The following RPH3A variants were observed in gnomAD, a reference collection of about 807,000 sequenced individuals.
RPH3A encodes rabphilin 3A.
In RPH3A, 48 loss-of-function variants were observed where a neutral mutation model predicts 102.2. The observed-to-expected ratio is 0.47, with a 90% CI of 0.37 to 0.60. The LOEUF (loss-of-function observed/expected upper bound fraction) is 0.60. Ranked by LOEUF, RPH3A falls within the 20% of genes least tolerant of loss-of-function variation. The pLI is 0.00. For missense variants in RPH3A, 781 were observed against 910.1 expected (o/e 0.86, Z 1.83); for synonymous variants, 310 against 324.3 (o/e 0.96, Z 0.47).
In RPH3A at chr12:112,890,840, C is replaced by T. The variant is rs756775190; in HGVS notation, c.1621-9C>T. ...TCCAAGGCCCACACTGCCTTTTCCCCCAATGCAGCAGGTGGAGCGTGTTGG... is the reference window on the plus strand; with the variant it reads ...TCCAAGGCCCACACTGCCTTTTCCCTCAATGCAGCAGGTGGAGCGTGTTGG... On this transcript the variant is annotated splice_polypyrimidine_tract_variant and intron_variant, in intron 18 of 21. Transcript: ENST00000389385. The T allele has an allele frequency of 5.0e-6, 8 of 1,612,518 alleles. No individual in the cohort carries two copies. The highest frequency in any genetic ancestry group is 6.8e-6 in the Non-Finnish European group (8 of 1,179,190).
intron 1 of RPH3A, among the ~76,000 whole-genome samples, chr12:112,652,822 C>G (rs922121047): frequency 1.3e-5 from 2 of 152,204 alleles, no homozygotes; most frequent in Non-Finnish European, 2.9e-5. Context: ...AAGAGCAAAA[C>G]AGTCATGCAT....
intron 16 of RPH3A, among the ~76,000 whole-genome samples, chr12:112,884,793 G>A (rs1434896708): frequency 6.6e-6 from 1 of 152,172 alleles, no homozygotes; most frequent in Non-Finnish European, 1.5e-5. Flanking sequence ...ACAGATTGAT[G>A]AATTTTCACA....
chr12:112,636,823 TCCCATAAAGACC>T (rs2039852076), intron 1 of RPH3A, among the ~76,000 whole-genome samples: 1 of 152,018 alleles, frequency 6.6e-6, no homozygotes, highest in Admixed American at 6.6e-5. Flanking sequence ...CTAGACTTTC[TCCCATAAAGACC>T]CCCAAAATAC....
Position 112,828,343 on chromosome 12 carries a change from A to T in RPH3A, c.25A>T (p.Ser9Cys), listed in dbSNP as rs1593052435. 6.2e-7 allele frequency: 1 copy of T among 1,610,906 alleles called. No individual in the cohort carries two copies. Among genetic ancestry groups the T allele is most frequent in the Non-Finnish European group, 8.5e-7 (1 of 1,178,606 alleles). MTDTVFSN[S>C]SNRWMYPSDR... ...TATGACTGACACCGTGTTCAGCAAC[A>T]GTTCTAACCGTTGGATGTACCCCAG... is the stretch of plus-strand genomic sequence containing the variant. Residue 9 changes from serine to cysteine, a missense_variant, in exon 3 of 22, where the codon AGT (serine) becomes TGT (cysteine). Ser to Cys is a moderately radical substitution (Grantham distance 112, BLOSUM62 -1). Around this residue, in one of 2 missense-constraint regions of RPH3A, gnomAD observed 730 missense variants for 810.0 expected, o/e 0.90. Transcript: ENST00000389385.
chr12:112,798,408 T>G (rs1399909367), intron 2 of RPH3A, among the ~76,000 whole-genome samples: 2 of 152,230 alleles, frequency 1.3e-5, no homozygotes, highest in Admixed American at 1.3e-4. Flanking sequence ...CCTCTCTTTC[T>G]TTTCCTTTTC....
chr12:112,788,911 C>G (rs772776688), upstream of RPH3A, among the ~76,000 whole-genome samples: 8 of 152,178 alleles, frequency 5.3e-5, no homozygotes, highest in Non-Finnish European at 1.0e-4. Flanking sequence ...GTAATCCCAG[C>G]ACTTTGGGAG....
At chr12:112,664,424 G>T (rs933836942) in intron 1 of RPH3A, among the ~76,000 whole-genome samples, 6 of 152,202 alleles carry the variant, frequency 3.9e-5, no homozygotes, top group African/African-American at 1.4e-4. Context: ...ATGGCAGGGA[G>T]ACCAGTAAGG....
intron 1 of RPH3A, among the ~76,000 whole-genome samples, chr12:112,648,309 G>C (rs996385286): frequency 1.3e-5 from 2 of 151,878 alleles, no homozygotes; most frequent in Admixed American, 1.3e-4. Flanking sequence ...CCACTGAGTG[G>C]AATGTACTTA....
intron 1 of RPH3A, among the ~76,000 whole-genome samples, chr12:112,664,026 G>C (rs904452520): frequency 1.3e-5 from 2 of 152,132 alleles, no homozygotes; most frequent in Admixed American, 6.6e-5. Flanking sequence ...AAAGAAGTGT[G>C]GGGGGCATGT....
At chr12:112,610,837 C>T (rs1234989387) in intron 1 of RPH3A, among the ~76,000 whole-genome samples, 4 of 152,020 alleles carry the variant, frequency 2.6e-5, no homozygotes, top group Admixed American at 6.6e-5. Context: ...AGGGTTTCAC[C>T]GTGTTAGCCA....
chr12:112,603,664 A>T (rs1231124255), intron 1 of RPH3A, among the ~76,000 whole-genome samples: 1 of 152,222 alleles, frequency 6.6e-6, no homozygotes. Context: ...TTCTCAAGAT[A>T]TCGGGTTAAC....
chr12:112,691,719 C>T (rs956933823), intron 1 of RPH3A, among the ~76,000 whole-genome samples: 1 of 152,206 alleles, frequency 6.6e-6, no homozygotes, highest in Non-Finnish European at 1.5e-5. Context: ...TTGAGAATAT[C>T]TCATTAAATG....
chr12:112,790,222 A>G (rs539798475), upstream of RPH3A, among the ~76,000 whole-genome samples: 1 of 151,796 alleles, frequency 6.6e-6, no homozygotes, highest in South Asian at 2.1e-4. Flanking sequence ...ATGCCCAGCT[A>G]TTTTTTTGTA....
At chr12:112,656,252 C>G (rs1270828767) in intron 1 of RPH3A, among the ~76,000 whole-genome samples, 1 of 152,234 alleles carries the variant, frequency 6.6e-6, no homozygotes, top group Non-Finnish European at 1.5e-5. Flanking sequence ...TGTTTGCCAT[C>G]TCAACCACAG....
intron 7 of RPH3A, among the ~76,000 whole-genome samples, chr12:112,867,898 G>A (rs2042638690): frequency 6.6e-6 from 1 of 152,212 alleles, no homozygotes; most frequent in Non-Finnish European, 1.5e-5. Flanking sequence ...AGTTAGTGCA[G>A]CCCATACTGG....
At chr12:112,775,257 G>C (rs1238298651) in intron 1 of RPH3A, among the ~76,000 whole-genome samples, 2 of 152,086 alleles carry the variant, frequency 1.3e-5, no homozygotes, top group African/African-American at 4.8e-5. Context: ...AAAACCACAG[G>C]CTATTGAATA....
At chr12:112,770,564 G>A (rs1043468118) in intron 1 of RPH3A, among the ~76,000 whole-genome samples, 23 of 152,072 alleles carry the variant, frequency 1.5e-4, no homozygotes, top group Non-Finnish European at 2.4e-4. Flanking sequence ...GGTTAGACTC[G>A]AACTCCCGAG....
chr12:112,797,432 T>TG (rs986181560), intron 2 of RPH3A, among the ~76,000 whole-genome samples: 1 of 152,038 alleles, frequency 6.6e-6, no homozygotes, highest in African/African-American at 2.4e-5. Context: ...TACATTCTGT[T>TG]GGGGGGTAAA....
intron 1 of RPH3A, among the ~76,000 whole-genome samples, chr12:112,710,195 C>T (rs1045267761): frequency 3.9e-5 from 6 of 152,178 alleles, no homozygotes; most frequent in Admixed American, 6.5e-5. Context: ...CCAGGATGGT[C>T]TCGATCTCCT....
Sources: allele counts gnomAD v4.1 joint callset (sites outside exome capture counted in the v4.1 genomes callset), GRCh38; gene constraint gnomAD v4.1.1; regional missense constraint gnomAD v4.1.1; transcripts MANE v1.5; gene names NCBI Gene and HGNC (gene_info 2026-07-23, HGNC 2026-07-21).